Variants in ACO1 observed in about 807,000 individuals in gnomAD.
The protein encoded by ACO1 is aconitase 1, also known as cytoplasmic aconitate hydratase.
A neutral mutation model predicts 105.1 loss-of-function variants in ACO1; 78 were observed. That is an observed-to-expected ratio of 0.74 (90% CI 0.62 to 0.90). ACO1 has a LOEUF of 0.90. Among genes scored for constraint, ACO1 ranks in the 40% least tolerant of loss-of-function variants. ACO1 has a pLI of 0.00. For missense variants in ACO1, 965 were observed against 1,111.1 expected, an observed-to-expected ratio of 0.87 and a Z score of 1.87; for synonymous variants, 364 against 397.4, an observed-to-expected ratio of 0.92 and a Z score of 1.00.
intron 19 of ACO1, among the ~76,000 whole-genome samples, chr9:32,447,539 A>T (rs1449402124): frequency 6.6e-6 from 1 of 152,114 alleles, no homozygotes; most frequent in Non-Finnish European, 1.5e-5. Flanking sequence ...GGAGTTTATT[A>T]CCACCCACCT....
chr9:32,390,746 A>G (rs1003312055), intron 1 of ACO1, among the ~76,000 whole-genome samples: 1 of 152,200 alleles, frequency 6.6e-6, no homozygotes, highest in African/African-American at 2.4e-5. Flanking sequence ...TCATGGTGAA[A>G]AGAGTCTTAA....
At chr9:32,391,626 C>T (rs1052937293) in intron 1 of ACO1, among the ~76,000 whole-genome samples, 15 of 152,346 alleles carry the variant, frequency 9.8e-5, no homozygotes, top group African/African-American at 3.6e-4. Context: ...TTGTCTGGGC[C>T]ACTGCTCGCA....
chr9:32,447,565 T>C (rs1207819857), intron 19 of ACO1, among the ~76,000 whole-genome samples: 4 of 152,226 alleles, frequency 2.6e-5, no homozygotes, highest in African/African-American at 4.8e-5. Flanking sequence ...AGCCTGCTTC[T>C]GTCAATTTGT....
chr9:32,396,423 A>G (rs1402502205), intron 1 of ACO1, among the ~76,000 whole-genome samples: 3 of 152,174 alleles, frequency 2.0e-5, no homozygotes, highest in Non-Finnish European at 2.9e-5. Context: ...AAATTGGCTA[A>G]AGAGCCTCAT....
At chr9:32,392,048 G>A (rs141301580) in intron 1 of ACO1, among the ~76,000 whole-genome samples, 7 of 152,230 alleles carry the variant, frequency 4.6e-5, no homozygotes, top group African/African-American at 1.4e-4. Context: ...TACAAATTTT[G>A]CCAAAATCAA....
rs1179339387 is a variant in ACO1 at position 32,407,364 on chromosome 9, T to C, written c.201T>C (p.Asn67=). The C allele has an allele frequency of 1.9e-6, 3 of 1,614,186 alleles. No individual in the cohort carries two copies. Among genetic ancestry groups the C allele is most frequent in the Non-Finnish European group, 1.7e-6 (2 of 1,180,022 alleles). Reference sequence around the variant, plus strand: ...ATATTGAAAATATTCTACATTGGAATGTCACGCAGCACAAGAACATAGAAG... The same window carrying C: ...ATATTGAAAATATTCTACATTGGAACGTCACGCAGCACAAGAACATAGAAG... ...KQDIENILHW[N]VTQHKNIEVP... The change falls in exon 3 of 21, where the codon AAT becomes AAC. Residue 67 remains asparagine (N), a synonymous_variant. Transcript: ENST00000309951.
At chr9:32,434,723 AG>A in intron 17 of ACO1, 22 bp downstream of exon 17, 1 of 1,612,464 alleles carries the variant, frequency 6.2e-7, no homozygotes, top group South Asian at 1.1e-5. Flanking sequence ...TGAGGCAGGA[AG>A]GACTAAAGGC....
chr9:32,433,854 CA>C, intron 16 of ACO1, 22 bp downstream of exon 16: 1 of 1,529,328 alleles, frequency 6.5e-7, no homozygotes, highest in South Asian at 1.2e-5. Context: ...TATTTTTTAA[CA>C]AAATGAATTC....
intron 1 of ACO1, among the ~76,000 whole-genome samples, chr9:32,400,260 T>G (rs1821466683): frequency 6.6e-6 from 1 of 152,154 alleles, no homozygotes; most frequent in South Asian, 2.1e-4. Flanking sequence ...TGTAAGCCAC[T>G]GCGCCTGGCT....
At chr9:32,433,866 T>C (rs1476984925) in intron 16 of ACO1, 34 bp downstream of exon 16, 2 of 1,489,436 alleles carry the variant, frequency 1.3e-6, no homozygotes, top group Admixed American at 1.9e-5. Context: ...AAATGAATTC[T>C]TTGAAGGGTT....
intron 12 of ACO1, among the ~76,000 whole-genome samples, chr9:32,428,637 G>C (rs1412793091): frequency 2.0e-5 from 3 of 152,094 alleles, no homozygotes; most frequent in African/African-American, 7.2e-5. Context: ...ATGAGATCGA[G>C]ACCATCCTGG....
chr9:32,427,157 C>A, intron 11 of ACO1, 144 bp from the exon 12 acceptor site: 2 of 1,008,374 alleles, frequency 2.0e-6, no homozygotes, highest in Non-Finnish European at 1.4e-6. Flanking sequence ...GCAGCAGAAA[C>A]AGCAGATAGC....
chr9:32,417,271 T>G (rs1443045916), intron 4 of ACO1, among the ~76,000 whole-genome samples: 1 of 152,216 alleles, frequency 6.6e-6, no homozygotes, highest in Non-Finnish European at 1.5e-5. Context: ...AGTTGCTGGT[T>G]CCTAGTAGTG....
rs1822790960 is a variant in ACO1 at position 32,452,546 on chromosome 9, C to G, written c.*2435C>G. Reference sequence around the variant, plus strand: ...GAAATTTCTATTGTTTATAAGCCACCCAGTTGATATTTAGTTACAGCAGCC... The same window carrying G: ...GAAATTTCTATTGTTTATAAGCCACGCAGTTGATATTTAGTTACAGCAGCC... On this transcript the variant is annotated 3_prime_UTR_variant, in exon 21 of 21. Transcript: ENST00000309951. The G allele has an allele frequency of 6.6e-6, 1 of 152,094 alleles. No homozygotes were observed. Among genetic ancestry groups the G allele is most frequent in the South Asian group, 2.1e-4 (1 of 4,818 alleles). 9.4% of individuals were successfully genotyped at this position (152,094 alleles called of 1,614,324 possible). A position where few individuals can be genotyped will look rare whatever the true frequency, so the allele number is the denominator to read the frequency against.
chr9:32,432,096 G>A (rs1422419043), intron 15 of ACO1, among the ~76,000 whole-genome samples: 2 of 152,086 alleles, frequency 1.3e-5, no homozygotes, highest in African/African-American at 4.8e-5. Flanking sequence ...GCCTCCTCAG[G>A]TTCAGCTCTC....
chr9:32,441,687 T>A (rs1486513948), intron 19 of ACO1, among the ~76,000 whole-genome samples: 1 of 152,124 alleles, frequency 6.6e-6, no homozygotes, highest in African/African-American at 2.4e-5. Flanking sequence ...ACCCAGGCAG[T>A]CAGCACTCAG....
chr9:32,433,177 C>T (rs1490077147), intron 15 of ACO1, among the ~76,000 whole-genome samples: 1 of 152,126 alleles, frequency 6.6e-6, no homozygotes, highest in Admixed American at 6.5e-5. Context: ...ATGTGAATCC[C>T]AGGAGGCAGG....
chr9:32,444,756 CATA>C (rs1216175494), intron 19 of ACO1, among the ~76,000 whole-genome samples: 3 of 152,162 alleles, frequency 2.0e-5, no homozygotes, highest in Non-Finnish European at 4.4e-5. Flanking sequence ...GTGGGTTTGT[CATA>C]ATAGCTCTTA....
At chr9:32,419,885 A>T (rs575627159) in intron 7 of ACO1, among the ~76,000 whole-genome samples, 18 of 152,336 alleles carry the variant, frequency 1.2e-4, no homozygotes, top group South Asian at 4.1e-4. Context: ...GTTTTTAATG[A>T]TCACAAACAT....
Sources: gnomAD v4.1 joint callset for allele counts (sites outside exome capture counted in the v4.1 genomes callset) on GRCh38, gnomAD v4.1.1 for gene constraint, MANE v1.5 for transcripts, NCBI Gene and HGNC (gene_info 2026-07-23, HGNC 2026-07-21) for gene names.